Variants in ANKRD30B observed in about 807,000 individuals in gnomAD.
ANKRD30B encodes the protein ankyrin repeat domain 30B, also known as ankyrin repeat domain-containing protein 30B.
Under a neutral mutation model 202.2 loss-of-function variants are expected in ANKRD30B, and 144 were observed. That is an observed-to-expected ratio of 0.71 (90% CI 0.62 to 0.82). The LOEUF is 0.82. Among genes scored for constraint, ANKRD30B ranks in the 40% least tolerant of loss-of-function variants. The pLI is 0.00. For synonymous variants in ANKRD30B, 508 were observed against 561.3 expected (o/e 0.91, Z 1.34); for missense variants, 1,487 against 1,669.1 (o/e 0.89, Z 1.90).
Position 14,852,291 on chromosome 18 carries a change from A to C in ANKRD30B, c.4347A>C (p.Thr1449=), listed in dbSNP as rs1250339318. The C allele has an allele frequency of 1.9e-6, 3 of 1,544,888 alleles. No homozygotes were observed. Among genetic ancestry groups the C allele is most frequent in the Non-Finnish European group, 2.6e-6 (3 of 1,145,032 alleles). Residue 1449 remains threonine, a synonymous_variant, in exon 42 of 44, where the codon ACA becomes ACC. Coordinates refer to ENST00000690538, the MANE Select transcript of ANKRD30B (RefSeq NM_001367607.2). ...AHKKVNKSKV[T]INIQFPEMKM... The stretch of plus-strand genomic sequence containing the variant: ...AGAAAGTTAACAAAAGCAAGGTAAC[A>C]ATTAATATTCAGTTTCCTGAGATGA...
chr18:14,893,273 G>A, the ANKRD30B span, among the ~76,000 whole-genome samples: 1 of 152,144 alleles, frequency 6.6e-6, no homozygotes, highest in African/African-American at 2.4e-5. Flanking sequence ...CAGTTGCAGT[G>A]TGGGGAGTGA....
the ANKRD30B span, among the ~76,000 whole-genome samples, chr18:14,921,912 C>T: frequency 6.6e-6 from 1 of 152,154 alleles, no homozygotes; most frequent in Admixed American, 6.5e-5. Flanking sequence ...AAAGAAGCCT[C>T]CACCAATGGT....
rs574727130 is a variant in ANKRD30B, at chr18:14,839,781, T to C, written c.2989-807T>C. Among the ~76,000 whole-genome samples the C allele has an allele frequency of 2.6e-5, 4 of 152,364 alleles. No individual in the cohort carries two copies. In the South Asian group the frequency reaches 8.3e-4, roughly 32 times the overall value. On this transcript the variant is annotated intron_variant, in intron 36 of 43. Transcript: ENST00000690538. ...TTATTTTCATTATTTTAAGCCCTTGTTTTCCTAAATGAAACAGCTTTTAAC... is the reference window on the plus strand; with the variant it reads ...TTATTTTCATTATTTTAAGCCCTTGCTTTCCTAAATGAAACAGCTTTTAAC...
chr18:14,917,311 T>C, the ANKRD30B span, among the ~76,000 whole-genome samples: 63 of 152,362 alleles, frequency 4.1e-4, no homozygotes, highest in Non-Finnish European at 8.5e-4. Context: ...TCTTAATTGT[T>C]CTCTTTCCTT....
At chr18:14,911,752 A>C in the ANKRD30B span, among the ~76,000 whole-genome samples, 1 of 152,166 alleles carries the variant, frequency 6.6e-6, no homozygotes, top group Non-Finnish European at 1.5e-5. Context: ...CTTCCAATCC[A>C]TGAGCATGGG....
At position 14,852,300 on chromosome 18, in the gene ANKRD30B, TCA is replaced by T. The variant is rs1194298160; in HGVS notation, c.4357_4358del (p.Gln1453ValfsTer3). ...VNKSKVTINI[Q>X]FPEMKMQRHL... is the part of the protein sequence containing the mutation. ...ACAAAAGCAAGGTAACAATTAATATTCAGTTTCCTGAGATGAAAATGCAACGT... is the reference window on the plus strand; with the variant it reads ...ACAAAAGCAAGGTAACAATTAATATTGTTTCCTGAGATGAAAATGCAACGT... On this transcript the variant is annotated frameshift_variant, in exon 42 of 44. Coordinates refer to ENST00000690538, the MANE Select transcript of ANKRD30B (RefSeq NM_001367607.2). LOFTEE classifies it high-confidence loss of function. 1 of 1,544,452 alleles carries T rather than the reference TCA, an allele frequency of 6.5e-7. No homozygotes were observed. The highest frequency in any genetic ancestry group is 1.4e-5 in the African/African-American group (1 of 72,408).
chr18:14,869,700 G>T, the ANKRD30B span, among the ~76,000 whole-genome samples: 1 of 150,534 alleles, frequency 6.6e-6, no homozygotes, highest in Admixed American at 6.6e-5. Flanking sequence ...TATTAAGCAT[G>T]ATTACAAATA....
chr18:14,883,435 A>ATC, the ANKRD30B span: 2 of 118,860 alleles, frequency 1.7e-5, no homozygotes, highest in Non-Finnish European at 3.5e-5. Context: ...ATCTATATAT[A>ATC]TCTCCTGTTC....
At chr18:14,879,032 G>T in the ANKRD30B span, among the ~76,000 whole-genome samples, 1 of 152,126 alleles carries the variant, frequency 6.6e-6, no homozygotes, top group Non-Finnish European at 1.5e-5. Context: ...CAGGCCGGGG[G>T]CACCGCGAGG....
the ANKRD30B span, among the ~76,000 whole-genome samples, chr18:14,906,403 A>G: frequency 0.027 from 4,172 of 152,242 alleles, 211 homozygotes; most frequent in African/African-American, 0.096. Context: ...TATGTTTGTT[A>G]TAGATGAATA....
At chr18:14,800,363 T>TCTCGTTGTCTC (rs1568027406) in intron 22 of ANKRD30B, among the ~76,000 whole-genome samples, 10 of 149,830 alleles carry the variant, frequency 6.7e-5, no homozygotes, top group Non-Finnish European at 1.3e-4. Flanking sequence ...CTCGTTGTCT[T>TCTCGTTGTCTC]GCCCAGGCTG....
intron 32 of ANKRD30B, among the ~76,000 whole-genome samples, chr18:14,823,452 A>G (rs1430978905): frequency 6.6e-6 from 1 of 151,778 alleles, no homozygotes; most frequent in East Asian, 1.9e-4. Context: ...GAGAATCTAA[A>G]GAAAATCGGT....
intron 33 of ANKRD30B, among the ~76,000 whole-genome samples, chr18:14,829,816 C>G (rs1459946862): frequency 6.6e-6 from 1 of 152,198 alleles, no homozygotes; most frequent in Non-Finnish European, 1.5e-5. Context: ...CTATTCTGTT[C>G]TTTCACCCCA....
intron 30 of ANKRD30B, among the ~76,000 whole-genome samples, chr18:14,818,064 T>C (rs1280315403): frequency 1.3e-5 from 2 of 152,100 alleles, no homozygotes; most frequent in East Asian, 1.9e-4. Flanking sequence ...AAATAAAAAG[T>C]AGAGAAAAAT....
At chr18:14,817,862 T>A (rs1669583851) in intron 30 of ANKRD30B, among the ~76,000 whole-genome samples, 1 of 152,166 alleles carries the variant, frequency 6.6e-6, no homozygotes, top group South Asian at 2.1e-4. Context: ...AATACAATTT[T>A]AAGCACTTTT....
chr18:14,879,191 C>A, the ANKRD30B span, among the ~76,000 whole-genome samples: 1 of 152,134 alleles, frequency 6.6e-6, no homozygotes, highest in Non-Finnish European at 1.5e-5. Flanking sequence ...AGTTTGCAGC[C>A]CTGAATAATC....
the ANKRD30B span, among the ~76,000 whole-genome samples, chr18:14,919,569 A>G: frequency 5.3e-5 from 8 of 152,148 alleles, no homozygotes; most frequent in Non-Finnish European, 5.9e-5. Context: ...CTGGCCCACA[A>G]TCACACTCTA....
the ANKRD30B span, among the ~76,000 whole-genome samples, chr18:14,896,406 T>C: frequency 0.54 from 81,893 of 151,834 alleles, 22,530 homozygotes; most frequent in African/African-American, 0.63. Context: ...GCTGGGATTA[T>C]AGGGGTGAGC....
chr18:14,782,895 A>C (rs1281236352), intron 12 of ANKRD30B, among the ~76,000 whole-genome samples: 3 of 152,128 alleles, frequency 2.0e-5, no homozygotes, highest in Admixed American at 2.0e-4. Context: ...GGGAATGAAG[A>C]CTAAGGAAGG....
Sources: gnomAD v4.1 joint callset for allele counts (sites outside exome capture counted in the v4.1 genomes callset) on GRCh38, gnomAD v4.1.1 for gene constraint, MANE v1.5 for transcripts, NCBI Gene and HGNC (gene_info 2026-07-23, HGNC 2026-07-21) for gene names.